SLAMF9: variants seen among roughly 807,000 people sequenced by gnomAD.
The protein encoded by SLAMF9 is CD2 family member 10.
A neutral mutation model predicts 30.4 loss-of-function variants in SLAMF9; 25 were observed. That is an observed-to-expected ratio of 0.82 (90% confidence interval 0.60 to 1.15). The LOEUF (loss-of-function observed/expected upper bound fraction) is 1.15, where lower values mean the gene tolerates loss of function less well. Among genes scored for constraint, SLAMF9 ranks in the 50% most tolerant of loss-of-function variants. The pLI, the probability that SLAMF9 is intolerant of heterozygous loss-of-function variation, is 0.00. For missense variants in SLAMF9, 344 were observed against 346.1 expected, an observed-to-expected ratio of 0.99 and a Z score of 0.05; for synonymous variants, 129 against 127.2, an observed-to-expected ratio of 1.01 and a Z score of -0.09.
In SLAMF9 at chr1:159,953,474, T is replaced by C. The variant is rs1651836680; in HGVS notation, c.226A>G (p.Met76Val). The C allele has an allele frequency of 1.9e-6, 3 of 1,614,050 alleles. No individual in the cohort carries two copies. The highest frequency in any genetic ancestry group is 4.5e-5 in the East Asian group (2 of 44,886). Residue 76 changes from methionine to valine, a missense_variant, in exon 2 of 4, where the codon ATG becomes GTG. Coordinates refer to ENST00000368093, the MANE Select transcript of SLAMF9 (RefSeq NM_033438.4). ...PGKEGHPATI[M>V]VTNPHYQGQV... ...CCCTGGTAGTGTGGATTGGTCACCA[T>C]GATGGTAGCTGGATGTCCCTCTTTC...
the SLAMF9 span, chr1:159,973,234 A>G: frequency 9.4e-7 from 1 of 1,059,718 alleles, no homozygotes; most frequent in South Asian, 1.3e-5. Context: ...CTTCCCTCTT[A>G]GGGCTCAGGA....
chr1:159,981,455 C>T, the SLAMF9 span, among the ~76,000 whole-genome samples: 11 of 152,330 alleles, frequency 7.2e-5, 1 homozygote, highest in African/African-American at 7.2e-5. Context: ...TCAAGAAAAG[C>T]GGAGGACAAC....
chr1:159,960,816 G>T, the SLAMF9 span, among the ~76,000 whole-genome samples: 6 of 152,298 alleles, frequency 3.9e-5, no homozygotes, highest in Admixed American at 2.0e-4. Flanking sequence ...AAGTATGCAG[G>T]TTGGGGGGGT....
At chr1:159,981,654 C>T in the SLAMF9 span, among the ~76,000 whole-genome samples, 1 of 152,248 alleles carries the variant, frequency 6.6e-6, no homozygotes, top group Non-Finnish European at 1.5e-5. Flanking sequence ...AGGGAGTGTG[C>T]TCAGGTCTCC....
At chr1:159,967,980 T>C in the SLAMF9 span, among the ~76,000 whole-genome samples, 3 of 152,220 alleles carry the variant, frequency 2.0e-5, no homozygotes, top group African/African-American at 7.2e-5. Flanking sequence ...GGAATTTGTT[T>C]ATCAGTTCTA....
chr1:159,951,729 T>C lies in SLAMF9; in HGVS notation c.802A>G (p.Met268Val). 1 of 1,614,214 alleles carries C rather than the reference T, an allele frequency of 6.2e-7. No homozygotes were observed. Among genetic ancestry groups the C allele is most frequent in the Non-Finnish European group, 8.5e-7 (1 of 1,180,040 alleles). ...ATTCTGTTTCTCATGAGTTTCTTCA[T>C]CCTTGGCATTTTGTGTCTTTTCTGG... ...RVQKRHKMPR[M>V]KKLMRNRMKL... Residue 268 changes from methionine (M) to valine (V), a missense_variant, in exon 4 of 4, where the codon ATG (methionine) becomes GTG (valine). Physicochemically the swap from Met to Val is conservative, Grantham distance 21. Coordinates refer to ENST00000368093, the MANE Select transcript of SLAMF9 (RefSeq NM_033438.4).
chr1:159,981,487 G>A, the SLAMF9 span, among the ~76,000 whole-genome samples: 1 of 152,206 alleles, frequency 6.6e-6, no homozygotes, highest in Non-Finnish European at 1.5e-5. Flanking sequence ...ACCAAGAAAG[G>A]AGCAAGGGCA....
the SLAMF9 span, among the ~76,000 whole-genome samples, chr1:159,963,037 G>A: frequency 2.6e-5 from 4 of 152,194 alleles, no homozygotes; most frequent in Admixed American, 6.5e-5. Flanking sequence ...GAGATGGTGG[G>A]TGGGCAGTGT....
chr1:159,953,169 C>T (rs2249707), intron 2 of SLAMF9, 140 bp downstream of exon 2: 454,644 of 684,954 alleles, frequency 0.66, 156,630 homozygotes, highest in East Asian at 0.88. Flanking sequence ...CACTCAATCA[C>T]AGTATCTAGA....
the SLAMF9 span, among the ~76,000 whole-genome samples, chr1:159,977,470 A>T: frequency 6.6e-6 from 1 of 152,154 alleles, no homozygotes; most frequent in East Asian, 1.9e-4. Flanking sequence ...CCCTCCTCCC[A>T]TGCCATCTCC....
chr1:159,970,605 C>G, the SLAMF9 span, among the ~76,000 whole-genome samples: 13 of 152,218 alleles, frequency 8.5e-5, no homozygotes, highest in Non-Finnish European at 1.5e-4. Context: ...GAGCTTGTTC[C>G]TTGCTGCAAC....
rs146934418 is a variant in SLAMF9, at chr1:159,951,747, T to G, written c.784A>C (p.Arg262=). Residue 262 remains arginine, a synonymous_variant, in exon 4 of 4, where the codon AGA becomes CGA. Transcript: ENST00000368093. Reference sequence around the variant, plus strand: ...TTCTTCATCCTTGGCATTTTGTGTCTTTTCTGGACTCGGATGACCCAGAGT... The same window carrying G: ...TTCTTCATCCTTGGCATTTTGTGTCGTTTCTGGACTCGGATGACCCAGAGT... ...MGLWVIRVQK[R]HKMPRMKKLM... is the part of the protein sequence containing the mutation. 2.1e-4 allele frequency: 336 copies of G among 1,614,034 alleles called. 1 individual carries two copies. Among genetic ancestry groups the G allele is most frequent in the Middle Eastern group, 1.5e-3 (9 of 6,082 alleles).
the SLAMF9 span, among the ~76,000 whole-genome samples, chr1:159,981,798 C>A: frequency 6.6e-6 from 1 of 152,276 alleles, no homozygotes; most frequent in Admixed American, 6.5e-5. Flanking sequence ...GGGCTAGAAA[C>A]AGGCCACTGT....
At chr1:159,961,711 A>G in the SLAMF9 span, among the ~76,000 whole-genome samples, 2 of 152,110 alleles carry the variant, frequency 1.3e-5, no homozygotes. Context: ...GGGGTGGGGG[A>G]GAGAGCTGGG....
the SLAMF9 span, chr1:159,976,912 A>AAAAGAAAG: frequency 2.2e-4 from 13 of 59,590 alleles, 1 homozygote; most frequent in Admixed American, 1.3e-3. Context: ...AGGAAAGAAA[A>AAAAGAAAG]AAAGAAAGAA....
upstream of SLAMF9, among the ~76,000 whole-genome samples, chr1:159,958,224 A>T (rs977130745): frequency 6.6e-6 from 1 of 152,244 alleles, no homozygotes; most frequent in Non-Finnish European, 1.5e-5. Context: ...CACTTCTTGC[A>T]GCCAAAAATG....
In SLAMF9 at chr1:159,951,803, A is replaced by T; in HGVS notation, c.728T>A (p.Ile243Asn). The stretch of plus-strand genomic sequence containing the variant: ...GGCCAGAATTACCAAGAGCAAGAAG[A>T]TGAGCAATCCCTTGGCCAGGAGGCA... ...AFCLLAKGLL[I>N]FLLLVILAMG... Residue 243 changes from isoleucine (I) to asparagine (N), a missense_variant, in exon 4 of 4, where the codon ATC becomes AAC. Physicochemically the swap from Ile to Asn is moderately radical, Grantham distance 149 (BLOSUM62 -3). Coordinates refer to ENST00000368093, the MANE Select transcript of SLAMF9 (RefSeq NM_033438.4). The T allele has an allele frequency of 1.9e-6, 3 of 1,614,206 alleles. No homozygotes were observed. The highest frequency in any genetic ancestry group is 1.7e-6 in the Non-Finnish European group (2 of 1,180,046).
the SLAMF9 span, among the ~76,000 whole-genome samples, chr1:159,964,021 C>A: frequency 3.3e-5 from 5 of 152,154 alleles, no homozygotes; most frequent in African/African-American, 4.8e-5. Context: ...GATCACGCCA[C>A]TACACTCCAG....
chr1:159,958,193 C>T (rs1407105412), upstream of SLAMF9, among the ~76,000 whole-genome samples: 1 of 152,242 alleles, frequency 6.6e-6, no homozygotes, highest in East Asian at 1.9e-4. Context: ...GGTGCTGCAG[C>T]TAGAGCCTGT....
Sources: allele counts gnomAD v4.1 joint callset (sites outside exome capture counted in the v4.1 genomes callset), GRCh38; gene constraint gnomAD v4.1.1; transcripts MANE v1.5; gene names NCBI Gene and HGNC (gene_info 2026-07-23, HGNC 2026-07-21).